Variants in PRKG1 observed in about 807,000 individuals in gnomAD.
PRKG1 encodes the protein cGMP-dependent protein kinase 1.
Under a neutral mutation model 88.1 loss-of-function variants are expected in PRKG1, and 35 were observed. The ratio of observed to expected loss-of-function variants is 0.40; its 90% confidence interval spans 0.30 to 0.53. The LOEUF (loss-of-function observed/expected upper bound fraction) is 0.53, where lower values mean the gene tolerates loss of function less well. PRKG1 is among the 20% of genes least tolerant of loss of function. PRKG1 has a pLI of 0.59. For synonymous variants in PRKG1, 303 were observed against 292.5 expected (o/e 1.04, Z -0.37); for missense variants, 540 against 839.8 (o/e 0.64, Z 4.41).
intron 2 of PRKG1, among the ~76,000 whole-genome samples, chr10:51,401,690 C>G (rs939094066): frequency 3.3e-5 from 5 of 152,108 alleles, no homozygotes; most frequent in Admixed American, 6.5e-5. Flanking sequence ...CATAATGAAC[C>G]CCTCAGAATC....
intron 2 of PRKG1, among the ~76,000 whole-genome samples, chr10:51,371,638 G>C (rs1842708741): frequency 6.6e-6 from 1 of 152,116 alleles, no homozygotes; most frequent in African/African-American, 2.4e-5. Context: ...CAGTGCCACA[G>C]AGCATGCTGT....
intron 2 of PRKG1, among the ~76,000 whole-genome samples, chr10:51,195,295 C>T (rs549477869): frequency 3.3e-5 from 5 of 152,168 alleles, no homozygotes; most frequent in Admixed American, 1.3e-4. Context: ...GAATTGGACC[C>T]GTTCATCCCT....
At chr10:51,040,506 G>A (rs1329968806) in intron 1 of PRKG1, among the ~76,000 whole-genome samples, 1 of 151,396 alleles carries the variant, frequency 6.6e-6, no homozygotes. Context: ...TTCTAGTAGA[G>A]ATGGGGTTTC....
chr10:51,541,012 C>T (rs374447416), intron 3 of PRKG1, among the ~76,000 whole-genome samples: 11 of 152,208 alleles, frequency 7.2e-5, no homozygotes, highest in African/African-American at 2.4e-4. Context: ...CCACCACATC[C>T]GGCCCAGTAT....
At chr10:51,503,712 G>A (rs1841105943) in intron 3 of PRKG1, among the ~76,000 whole-genome samples, 1 of 141,544 alleles carries the variant, frequency 7.1e-6, no homozygotes, top group African/African-American at 2.5e-5. Flanking sequence ...TTTGCATCTG[G>A]GTAAAAATAA....
chr10:51,888,997 G>A (rs1224848622), intron 4 of PRKG1, among the ~76,000 whole-genome samples: 6 of 151,244 alleles, frequency 4.0e-5, no homozygotes, highest in South Asian at 2.1e-4. Flanking sequence ...ATATGCTAAT[G>A]CTGCTTATTA....
chr10:51,817,356 C>T (rs10823647), intron 4 of PRKG1, among the ~76,000 whole-genome samples: 2 of 148,828 alleles, frequency 1.3e-5, no homozygotes, highest in Admixed American at 6.7e-5. Flanking sequence ...AACCCCCCCC[C>T]TCCCCTGACA....
intron 2 of PRKG1, among the ~76,000 whole-genome samples, chr10:51,355,416 G>T (rs1296598081): frequency 6.6e-6 from 1 of 151,998 alleles, no homozygotes; most frequent in East Asian, 1.9e-4. Flanking sequence ...CTATTCTGTA[G>T]GTTCCTAATA....
chr10:51,303,415 T>C (rs1308909667), intron 2 of PRKG1, among the ~76,000 whole-genome samples: 1 of 151,890 alleles, frequency 6.6e-6, no homozygotes, highest in Non-Finnish European at 1.5e-5. Flanking sequence ...GATGGCCTCA[T>C]GTGTGCGCTG....
In PRKG1 at chr10:51,758,252, T is replaced by C. The variant is rs79118137; in HGVS notation, c.593-46333T>C. Among the ~76,000 whole-genome samples, 519 of 152,320 alleles carry C rather than the reference T, an allele frequency of 3.4e-3. 3 individuals are homozygous for C. The highest frequency in any genetic ancestry group is 0.012 in the African/African-American group (499 of 41,568). On this transcript the variant is annotated intron_variant, in intron 3 of 17. Transcript: ENST00000373980. Reference sequence around the variant, plus strand: ...TCCAATGGTGGGTGGAGAGTAAAATTGACAGTTCTTCTAATTTGATGTATA... The same window carrying C: ...TCCAATGGTGGGTGGAGAGTAAAATCGACAGTTCTTCTAATTTGATGTATA...
In PRKG1 at chr10:51,188,233, G is replaced by T. The variant is rs1277511217; in HGVS notation, c.478+34903G>T. On this transcript the variant is annotated intron_variant, in intron 2 of 17. Coordinates refer to ENST00000373980, the MANE Select transcript of PRKG1 (RefSeq NM_006258.4). The stretch of plus-strand genomic sequence containing the variant: ...GATCTTTTAGTTATAACTGACCTCA[G>T]CTAGCCATGGGCTATTTTTTGATGA... Among the ~76,000 whole-genome samples, 11 of 152,098 alleles carry T rather than the reference G, an allele frequency of 7.2e-5. No individual in the cohort carries two copies. The East Asian group carries it at 2.1e-3, about 29-fold the overall frequency.
chr10:51,305,848 G>A (rs959201668), intron 2 of PRKG1, among the ~76,000 whole-genome samples: 4 of 152,104 alleles, frequency 2.6e-5, no homozygotes, highest in Admixed American at 6.6e-5. Flanking sequence ...TTAATATCAC[G>A]TTCCTGATAT....
At chr10:51,293,323 A>G (rs1165400459) in intron 2 of PRKG1, among the ~76,000 whole-genome samples, 1 of 152,152 alleles carries the variant, frequency 6.6e-6, no homozygotes, top group African/African-American at 2.4e-5. Context: ...TCCATATCAT[A>G]TGCATCTTGC....
chr10:51,432,381 A>T (rs1463177243), intron 2 of PRKG1, among the ~76,000 whole-genome samples: 1 of 152,130 alleles, frequency 6.6e-6, no homozygotes, highest in Admixed American at 6.6e-5. Flanking sequence ...CAAGGGCATA[A>T]ATTCTACTTT....
chr10:51,557,595 A>G (rs1173900161), intron 3 of PRKG1, among the ~76,000 whole-genome samples: 9 of 151,944 alleles, frequency 5.9e-5, no homozygotes, highest in Non-Finnish European at 1.5e-5. Context: ...ACACTTAGAA[A>G]CCTCGTGTAG....
intron 1 of PRKG1, among the ~76,000 whole-genome samples, chr10:51,121,939 C>T (rs916891960): frequency 6.6e-6 from 1 of 152,172 alleles, no homozygotes; most frequent in African/African-American, 2.4e-5. Context: ...TTAATGTTCT[C>T]TGTTGTGGTG....
At chr10:51,730,487 CT>C (rs1445993438) in intron 3 of PRKG1, among the ~76,000 whole-genome samples, 1 of 152,106 alleles carries the variant, frequency 6.6e-6, no homozygotes, top group East Asian at 1.9e-4. Context: ...AAAAACATAG[CT>C]TTTTTTCTTT....
intron 2 of PRKG1, among the ~76,000 whole-genome samples, chr10:51,172,227 ACT>A (rs1446458042): frequency 6.6e-6 from 1 of 151,878 alleles, no homozygotes; most frequent in African/African-American, 2.4e-5. Flanking sequence ...CTCATCTAAC[ACT>A]CTATTTAAGC....
At chr10:51,123,100 T>G (rs1318775673) in intron 1 of PRKG1, among the ~76,000 whole-genome samples, 1 of 152,196 alleles carries the variant, frequency 6.6e-6, no homozygotes, top group African/African-American at 2.4e-5. Context: ...GGTGGTTCCC[T>G]GTGGTATGCA....
Sources: allele counts gnomAD v4.1 joint callset (sites outside exome capture counted in the v4.1 genomes callset), GRCh38; gene constraint gnomAD v4.1.1; transcripts MANE v1.5; gene names NCBI Gene and HGNC (gene_info 2026-07-23, HGNC 2026-07-21).